Variants in GPHN observed in about 807,000 individuals in gnomAD.
The protein encoded by GPHN is gephyrin.
A neutral mutation model predicts 95.5 loss-of-function variants in GPHN; 17 were observed. The ratio of observed to expected loss-of-function variants is 0.18; its 90% CI spans 0.12 to 0.27. The LOEUF (loss-of-function observed/expected upper bound fraction) is 0.27, where lower values mean the gene tolerates loss of function less well. Ranked by LOEUF, GPHN falls within the 10% of genes least tolerant of loss-of-function variation. GPHN has a pLI of 1.00. For synonymous variants in GPHN, 320 were observed against 322.5 expected, an observed-to-expected ratio of 0.99 and a Z score of 0.08; for missense variants, 660 against 978.1, an observed-to-expected ratio of 0.67 and a Z score of 4.34.
At chr14:67,115,173 T>C (rs961347896) in intron 16 of GPHN, among the ~76,000 whole-genome samples, 4 of 152,138 alleles carry the variant, frequency 2.6e-5, no homozygotes, top group African/African-American at 4.8e-5. Flanking sequence ...TCTATGATCA[T>C]ATAGTTTAGT....
the GPHN span, among the ~76,000 whole-genome samples, chr14:67,667,382 C>T: frequency 2.0e-5 from 3 of 152,086 alleles, no homozygotes; most frequent in Non-Finnish European, 4.4e-5. Flanking sequence ...ATTTGTACAC[C>T]GTGACAGCTG....
In GPHN at chr14:67,031,000, TTTTGTTTGTTTG is replaced by T. The variant is rs61031989; in HGVS notation, c.1006+7353_1006+7364del. ...ATATATTTATTGAAAATACTGGGGG[TTTTGTTTGTTTG>T]TTTGTTTGTTTGTTTGTTTGTTTGT... On this transcript the variant is annotated intron_variant, in intron 10 of 22. Transcript: ENST00000478722. 3.3e-3 allele frequency among the ~76,000 whole-genome samples: 502 copies of T among 150,238 alleles called. 4 individuals carry two copies. Among genetic ancestry groups the T allele is most frequent in the African/African-American group, 0.011 (449 of 40,728 alleles).
intron 1 of GPHN, among the ~76,000 whole-genome samples, chr14:66,602,876 T>C (rs1235074183): frequency 6.6e-6 from 1 of 151,928 alleles, no homozygotes; most frequent in African/African-American, 2.4e-5. Flanking sequence ...CCAAGAGTTA[T>C]TGAACATTTT....
chr14:67,048,252 T>C (rs2075134574), intron 10 of GPHN, among the ~76,000 whole-genome samples: 2 of 152,222 alleles, frequency 1.3e-5, no homozygotes, highest in African/African-American at 4.8e-5. Flanking sequence ...CATTTTGCGC[T>C]GAGTTCTTAC....
the GPHN span, among the ~76,000 whole-genome samples, chr14:67,402,439 C>T: frequency 6.6e-6 from 1 of 152,186 alleles, no homozygotes; most frequent in African/African-American, 2.4e-5. Flanking sequence ...CGATTATACT[C>T]TTTTGGTTAT....
chr14:67,552,938 A>C, the GPHN span, among the ~76,000 whole-genome samples: 1 of 152,210 alleles, frequency 6.6e-6, no homozygotes, highest in Non-Finnish European at 1.5e-5. Flanking sequence ...TGCATGGGAT[A>C]GATAATAAAA....
chr14:67,562,229 A>G, the GPHN span: 2 of 1,612,358 alleles, frequency 1.2e-6, no homozygotes, highest in Non-Finnish European at 1.7e-6. Context: ...AATCCAGCCT[A>G]TGGGCCAGGA....
chr14:67,575,825 A>C, the GPHN span: 2 of 1,612,382 alleles, frequency 1.2e-6, no homozygotes, highest in Non-Finnish European at 1.7e-6. Context: ...GTCCACAGCG[A>C]CCCCTGGGCT....
At chr14:67,656,562 GC>G in the GPHN span, 1 of 1,612,440 alleles carries the variant, frequency 6.2e-7, no homozygotes, top group African/African-American at 1.3e-5. Flanking sequence ...CCCTGCAGAA[GC>G]ATTGCCCTTT....
At chr14:67,533,370 C>G in the GPHN span, 4 of 151,522 alleles carry the variant, frequency 2.6e-5, no homozygotes, top group Non-Finnish European at 5.9e-5. Context: ...GCCCAGTGCG[C>G]GGCGGGGACG....
chr14:66,722,175 A>G (rs1052822461), intron 2 of GPHN, among the ~76,000 whole-genome samples: 1 of 152,146 alleles, frequency 6.6e-6, no homozygotes, highest in African/African-American at 2.4e-5. Context: ...TACTTTTAAC[A>G]TTGAAAGGAT....
chr14:66,608,881 A>G (rs1316944416), intron 1 of GPHN, among the ~76,000 whole-genome samples: 1 of 152,042 alleles, frequency 6.6e-6, no homozygotes, highest in Non-Finnish European at 1.5e-5. Context: ...GTATTGTTAC[A>G]TGTGAGATGC....
At chr14:67,379,836 A>G in the GPHN span, among the ~76,000 whole-genome samples, 1 of 150,944 alleles carries the variant, frequency 6.6e-6, no homozygotes, top group South Asian at 2.1e-4. Context: ...TTGTATTTTT[A>G]GTAGAGACGA....
At chr14:67,729,081 TTA>T in the GPHN span, 1 of 1,104,436 alleles carries the variant, frequency 9.1e-7, no homozygotes, top group East Asian at 2.3e-5. Flanking sequence ...AATCCTGGGG[TTA>T]TGTTTCCTGA....
the GPHN span, among the ~76,000 whole-genome samples, chr14:67,637,959 C>G: frequency 6.6e-6 from 1 of 152,120 alleles, no homozygotes; most frequent in Non-Finnish European, 1.5e-5. Context: ...AGGAGGTGTG[C>G]TTTCTCAATG....
the GPHN span, among the ~76,000 whole-genome samples, chr14:67,376,054 A>T: frequency 2.8e-3 from 430 of 152,192 alleles, 2 homozygotes; most frequent in African/African-American, 9.7e-3. Context: ...CAGAAAAAAA[A>T]TTTTTTTTAT....
At chr14:67,286,018 G>A in the GPHN span, among the ~76,000 whole-genome samples, 1 of 152,110 alleles carries the variant, frequency 6.6e-6, no homozygotes, top group East Asian at 1.9e-4. Flanking sequence ...GAAGATGGGA[G>A]CTTAATTTCT....
At chr14:67,561,603 C>T in the GPHN span, among the ~76,000 whole-genome samples, 1 of 152,092 alleles carries the variant, frequency 6.6e-6, no homozygotes, top group African/African-American at 2.4e-5. Flanking sequence ...CTCAGTGGCA[C>T]ATGCCTGTAA....
intron 3 of GPHN, among the ~76,000 whole-genome samples, chr14:66,783,849 C>G (rs899644443): frequency 1.3e-5 from 2 of 152,112 alleles, no homozygotes; most frequent in African/African-American, 4.8e-5. Context: ...GTCAGTGAGA[C>G]CTTGCAGAAG....
Sources: allele counts gnomAD v4.1 joint callset (sites outside exome capture counted in the v4.1 genomes callset), GRCh38; gene constraint gnomAD v4.1.1; transcripts MANE v1.5; gene names NCBI Gene and HGNC (gene_info 2026-07-23, HGNC 2026-07-21).